The following KSR2 variants were observed in gnomAD, a reference collection of about 807,000 sequenced individuals.
The protein encoded by KSR2 is kinase suppressor of ras 2.
In KSR2, 25 loss-of-function variants were observed where a neutral mutation model predicts 107.8. That is an observed-to-expected ratio of 0.23 (90% CI 0.17 to 0.32). The LOEUF (loss-of-function observed/expected upper bound fraction) is 0.32. Among genes scored for constraint, KSR2 ranks in the 10% least tolerant of loss-of-function variants. KSR2 has a pLI of 1.00. For missense variants in KSR2, 887 were observed against 1,268.9 expected, an observed-to-expected ratio of 0.70 and a Z score of 4.57; for synonymous variants, 480 against 507.0, an observed-to-expected ratio of 0.95 and a Z score of 0.71.
At chr12:117,892,898 G>C (rs113122073) in intron 1 of KSR2, among the ~76,000 whole-genome samples, 1,825 of 151,198 alleles carry the variant, frequency 0.012, 37 homozygotes, top group African/African-American at 0.042. Flanking sequence ...TGGCTGCCCT[G>C]TCCCATGTCC....
At chr12:117,644,900 C>T (rs1883545998) in intron 5 of KSR2, among the ~76,000 whole-genome samples, 1 of 152,156 alleles carries the variant, frequency 6.6e-6, no homozygotes, top group Admixed American at 6.5e-5. Flanking sequence ...GCGTGCTCAG[C>T]ATCCCTATTC....
At chr12:117,617,542 C>G (rs975995000) in intron 5 of KSR2, among the ~76,000 whole-genome samples, 1 of 152,094 alleles carries the variant, frequency 6.6e-6, no homozygotes, top group Non-Finnish European at 1.5e-5. Context: ...ATAAATACAA[C>G]AACATGGATG....
chr12:117,555,346 T>C, intron 8 of KSR2, 53 bp from the exon 9 acceptor site: 10 of 1,600,994 alleles, frequency 6.2e-6, no homozygotes, highest in Non-Finnish European at 8.5e-6. Flanking sequence ...TTGTCTTTGG[T>C]TATGCCAGGA....
chr12:117,515,829 G>T (rs374892097), intron 14 of KSR2, among the ~76,000 whole-genome samples: 3 of 152,222 alleles, frequency 2.0e-5, no homozygotes, highest in South Asian at 2.1e-4. Context: ...GGGAGGCTAA[G>T]GCAGGAGAAT....
At chr12:117,646,623 G>A (rs1267435334) in intron 5 of KSR2, among the ~76,000 whole-genome samples, 3 of 151,870 alleles carry the variant, frequency 2.0e-5, no homozygotes, top group Admixed American at 1.3e-4. Context: ...AATTAACCCC[G>A]GGGATCCAGG....
chr12:117,852,528 C>T (rs1210558631), intron 3 of KSR2, among the ~76,000 whole-genome samples: 1 of 152,116 alleles, frequency 6.6e-6, no homozygotes, highest in African/African-American at 2.4e-5. Flanking sequence ...TCCCCATGGT[C>T]TCGCACAGCC....
chr12:117,565,617 T>C (rs758125722), intron 7 of KSR2, among the ~76,000 whole-genome samples: 3 of 152,148 alleles, frequency 2.0e-5, no homozygotes, highest in Non-Finnish European at 4.4e-5. Flanking sequence ...AGAATAGGAA[T>C]AATAATTATT....
At chr12:117,478,676 C>T (rs1871960522) in intron 16 of KSR2, among the ~76,000 whole-genome samples, 1 of 152,054 alleles carries the variant, frequency 6.6e-6, no homozygotes, top group African/African-American at 2.4e-5. Context: ...GTCTGAAACT[C>T]CTGGCCTCAA....
chr12:117,602,672 T>C (rs895600413), intron 5 of KSR2, among the ~76,000 whole-genome samples: 1 of 152,220 alleles, frequency 6.6e-6, no homozygotes, highest in African/African-American at 2.4e-5. Context: ...ACTTGTGTTG[T>C]TTCTACCTTT....
chr12:117,780,713 AT>A lies in KSR2; in HGVS notation c.473-19190del. 2.0e-5 allele frequency among the ~76,000 whole-genome samples: 3 copies of A among 152,368 alleles called. No homozygotes were observed. In the South Asian group the frequency reaches 6.2e-4, roughly 32 times the overall value. ...GTAAACTTTGGTGTGTTTTCCTACA[AT>A]AAAAAATTAATGTTGGCTGATTTTT... On this transcript the variant is annotated intron_variant, in intron 3 of 19. Coordinates refer to ENST00000339824, the MANE Select transcript of KSR2 (RefSeq NM_173598.6).
chr12:117,661,600 A>G (rs1162917762), intron 5 of KSR2, among the ~76,000 whole-genome samples: 1 of 152,144 alleles, frequency 6.6e-6, no homozygotes, highest in Non-Finnish European at 1.5e-5. Context: ...CTGCCATATA[A>G]CCCGGGGATT....
intron 1 of KSR2, among the ~76,000 whole-genome samples, chr12:117,936,141 T>C (rs1895829687): frequency 6.6e-6 from 1 of 151,956 alleles, no homozygotes; most frequent in African/African-American, 2.4e-5. Flanking sequence ...GCTCAAGTGA[T>C]CCTCCCACCT....
chr12:117,578,979 T>C, intron 7 of KSR2, 140 bp downstream of exon 7: 1 of 687,060 alleles, frequency 1.5e-6, no homozygotes, highest in South Asian at 1.7e-5. Flanking sequence ...CAGGTGCATT[T>C]CCAATCTATT....
chr12:117,515,424 T>C (rs901117472), intron 14 of KSR2, among the ~76,000 whole-genome samples: 2 of 152,186 alleles, frequency 1.3e-5, no homozygotes, highest in African/African-American at 4.8e-5. Context: ...AATGTATTTT[T>C]GTAAATGTGT....
chr12:117,836,990 T>C (rs944474446), intron 3 of KSR2, among the ~76,000 whole-genome samples: 1 of 152,184 alleles, frequency 6.6e-6, no homozygotes, highest in Non-Finnish European at 1.5e-5. Flanking sequence ...CATTTCAATG[T>C]TCCTTCTTTA....
intron 5 of KSR2, among the ~76,000 whole-genome samples, chr12:117,602,979 G>A (rs754895672): frequency 6.6e-6 from 1 of 152,150 alleles, no homozygotes; most frequent in Non-Finnish European, 1.5e-5. Context: ...TCGAGGATGG[G>A]CACACAGATG....
intron 4 of KSR2, among the ~76,000 whole-genome samples, chr12:117,678,357 C>T (rs563845328): frequency 1.3e-5 from 2 of 152,110 alleles, no homozygotes; most frequent in Admixed American, 6.5e-5. Context: ...ACCCCCACCC[C>T]GCCCCCACCA....
At chr12:117,685,286 G>C (rs913304482) in intron 4 of KSR2, among the ~76,000 whole-genome samples, 3 of 152,146 alleles carry the variant, frequency 2.0e-5, no homozygotes, top group African/African-American at 7.2e-5. Flanking sequence ...CCATAAATCG[G>C]TTACAGACCA....
At position 117,630,197 on chromosome 12, in the gene KSR2, G is replaced by A. The variant is rs560928824; in HGVS notation, c.1171+37277C>T. Among the ~76,000 whole-genome samples the A allele has an allele frequency of 7.2e-5, 11 of 152,264 alleles. No homozygotes were observed. The South Asian group carries it at 1.0e-3, about 14-fold the overall frequency. ...CAGCAGCCCAGTGATTCTCATTTGC[G>A]GAAACACTTATCTACCAAACTGCAG... is the stretch of plus-strand genomic sequence containing the variant. On this transcript the variant is annotated intron_variant, in intron 5 of 19. Transcript: ENST00000339824.
Sources: gnomAD v4.1 joint callset for allele counts (sites outside exome capture counted in the v4.1 genomes callset) on GRCh38, gnomAD v4.1.1 for gene constraint, MANE v1.5 for transcripts, NCBI Gene and HGNC (gene_info 2026-07-23, HGNC 2026-07-21) for gene names.